The following COL5A2 variants were observed in gnomAD, a reference collection of about 807,000 sequenced individuals.
COL5A2 encodes collagen type V alpha 2 chain, also known as collagen alpha-2(V) chain.
In COL5A2, 23 loss-of-function variants were observed where a neutral mutation model predicts 208.2. That is an observed-to-expected ratio of 0.11 (90% confidence interval 0.08 to 0.16). COL5A2 has a LOEUF of 0.16. Among genes scored for constraint, COL5A2 ranks in the 10% least tolerant of loss-of-function variants. The pLI, the probability that COL5A2 is intolerant of heterozygous loss-of-function variation, is 1.00. For synonymous variants in COL5A2, 625 were observed against 628.5 expected, an observed-to-expected ratio of 0.99 and a Z score of 0.08; for missense variants, 1,590 against 1,956.4, an observed-to-expected ratio of 0.81 and a Z score of 3.53.
At chr2:189,176,844 G>A (rs544308315) in intron 1 of COL5A2, among the ~76,000 whole-genome samples, 9 of 151,866 alleles carry the variant, frequency 5.9e-5, no homozygotes, top group South Asian at 4.2e-4. Context: ...TTTTTGTTAC[G>A]TTAGTTTTAA....
At chr2:189,318,759 G>C in the COL5A2 span, among the ~76,000 whole-genome samples, 1 of 152,142 alleles carries the variant, frequency 6.6e-6, no homozygotes, top group Non-Finnish European at 1.5e-5. Context: ...TCTCAGATCT[G>C]GGGGAGGAAA....
At chr2:189,208,640 A>G (rs1878085) in intron 1 of COL5A2, among the ~76,000 whole-genome samples, 88,031 of 152,030 alleles carry the variant, frequency 0.58, 26,805 homozygotes, top group East Asian at 0.72. Context: ...TTCTATTTTG[A>G]CCAGAATTTG....
chr2:189,183,609 C>A (rs1426938242), upstream of COL5A2, among the ~76,000 whole-genome samples: 5 of 152,054 alleles, frequency 3.3e-5, no homozygotes, highest in Non-Finnish European at 7.4e-5. Context: ...CTACCACCAC[C>A]ATCTTAGTCC....
rs555505374 is a variant in COL5A2 at position 189,188,815 on chromosome 2, C to T, written c.-42+36333G>A. Among the ~76,000 whole-genome samples the T allele has an allele frequency of 3.9e-5, 6 of 152,276 alleles. No homozygotes were observed. The East Asian group carries it at 5.8e-4, about 15-fold the overall frequency. On this transcript the variant is annotated intron_variant, in intron 1 of 10. Coordinates refer to the COL5A2 transcript ENST00000649966. ...CATTGTTCAGTTGACAATTATGTGG[C>T]GACCAGAGGTCTGGGAAACGTGTCT...
the COL5A2 span, among the ~76,000 whole-genome samples, chr2:189,272,659 A>T: frequency 3.9e-5 from 6 of 151,908 alleles, no homozygotes; most frequent in Admixed American, 6.6e-5. Context: ...TTAAAGTATA[A>T]TTTTTTTAAA....
chr2:189,183,193 C>T (rs114617492), upstream of COL5A2, among the ~76,000 whole-genome samples: 1,508 of 152,220 alleles, frequency 9.9e-3, 30 homozygotes, highest in African/African-American at 0.034. Context: ...ACCCAAAGAT[C>T]TTTCTTCTTT....
Position 189,034,092 on chromosome 2 carries a change from A to G in COL5A2, c.4478T>C (p.Ile1493Thr), listed in dbSNP as rs1227167162. 12 of 1,613,888 alleles carry G rather than the reference A, an allele frequency of 7.4e-6. No individual in the cohort carries two copies. The highest frequency in any genetic ancestry group is 1.0e-5 in the Non-Finnish European group (12 of 1,179,924). Residue 1493 changes from isoleucine (I) to threonine (T), a missense_variant, in exon 54 of 54, where the codon ATT (isoleucine) becomes ACT (threonine). Transcript: ENST00000374866. ...GGTDQEFGVE[I>T]GPVCFV ...ACTTTACACAAAACAAACTGGCCCA[A>G]TTTCAACGCCGAATTCCTGGTCTGT...
the COL5A2 span, among the ~76,000 whole-genome samples, chr2:189,376,175 A>G: frequency 6.6e-6 from 1 of 152,126 alleles, no homozygotes; most frequent in South Asian, 2.1e-4. Context: ...TGCATATTGC[A>G]CTGTTTGTTA....
the COL5A2 span, among the ~76,000 whole-genome samples, chr2:189,395,551 T>C: frequency 6.6e-6 from 1 of 152,110 alleles, no homozygotes; most frequent in African/African-American, 2.4e-5. Context: ...AAAATATAGC[T>C]CACTGTTTAC....
At chr2:189,117,487 G>T (rs7560973) in intron 1 of COL5A2, among the ~76,000 whole-genome samples, 117,000 of 152,030 alleles carry the variant, frequency 0.77, 48,422 homozygotes, top group South Asian at 0.91. Context: ...TCTGAATGAT[G>T]TCTACTTAAT....
At position 189,032,117 on chromosome 2, in the gene COL5A2, C is replaced by A. The variant is rs998122949; in HGVS notation, c.*1953G>T. ...ATACTCAAATTTAAGATATACAGGT[C>A]AAAATATAACCAGTTTAGGGGAAAA... On this transcript the variant is annotated 3_prime_UTR_variant, in exon 54 of 54. Coordinates refer to ENST00000374866, the MANE Select transcript of COL5A2 (RefSeq NM_000393.5). The A allele has an allele frequency of 6.6e-6, 1 of 151,892 alleles. No homozygotes were observed. The highest frequency in any genetic ancestry group is 2.4e-5 in the African/African-American group (1 of 41,338). The allele number at this position is 151,892 out of a possible 1,614,324, so 9.4% of individuals were successfully genotyped here. A position where few individuals can be genotyped will look rare whatever the true frequency, so the allele number is the denominator to read the frequency against.
chr2:189,390,786 C>G, the COL5A2 span, among the ~76,000 whole-genome samples: 1 of 152,132 alleles, frequency 6.6e-6, no homozygotes, highest in Non-Finnish European at 1.5e-5. Context: ...AATAAAAGAT[C>G]AAAAGTAAGG....
chr2:189,223,213 G>A (rs1387985336), intron 1 of COL5A2, among the ~76,000 whole-genome samples: 1 of 152,058 alleles, frequency 6.6e-6, no homozygotes, highest in African/African-American at 2.4e-5. Flanking sequence ...AAGCCATTAT[G>A]GAAAAGCCAG....
At chr2:189,056,567 C>T (rs1256620117) in intron 35 of COL5A2, among the ~76,000 whole-genome samples, 1 of 152,028 alleles carries the variant, frequency 6.6e-6, no homozygotes, top group East Asian at 1.9e-4. Flanking sequence ...ACCCCAACAT[C>T]CAATATACTG....
chr2:189,069,946 A>C (rs1186323014), intron 18 of COL5A2, among the ~76,000 whole-genome samples: 1 of 152,202 alleles, frequency 6.6e-6, no homozygotes, highest in East Asian at 1.9e-4. Context: ...AAACCAAAGA[A>C]ACAATACTTC....
the COL5A2 span, among the ~76,000 whole-genome samples, chr2:189,373,263 G>C: frequency 2.6e-5 from 4 of 152,050 alleles, no homozygotes; most frequent in Non-Finnish European, 5.9e-5. Context: ...TATTAGAGTG[G>C]TATTACAGTT....
intron 1 of COL5A2, among the ~76,000 whole-genome samples, chr2:189,215,466 T>C (rs1689267649): frequency 6.6e-6 from 1 of 152,150 alleles, no homozygotes; most frequent in Admixed American, 6.6e-5. Flanking sequence ...ATTAATAATT[T>C]TTATGTTGAT....
intron 2 of COL5A2, among the ~76,000 whole-genome samples, chr2:189,105,288 T>A (rs1034285657): frequency 6.6e-6 from 1 of 151,690 alleles, no homozygotes; most frequent in Non-Finnish European, 1.5e-5. Flanking sequence ...ACTACCAATA[T>A]CCTTTCATAG....
chr2:189,070,349 A>G (rs902478869), intron 18 of COL5A2, among the ~76,000 whole-genome samples: 3 of 152,206 alleles, frequency 2.0e-5, no homozygotes, highest in Non-Finnish European at 4.4e-5. Context: ...TTGAAATGCA[A>G]AGAACTGGAT....
Sources: gnomAD v4.1 joint callset for allele counts (sites outside exome capture counted in the v4.1 genomes callset) on GRCh38, gnomAD v4.1.1 for gene constraint, MANE v1.5 for transcripts, NCBI Gene and HGNC (gene_info 2026-07-23, HGNC 2026-07-21) for gene names.